Variants in R3HDM1 observed in about 807,000 individuals in gnomAD.
R3HDM1 encodes R3H domain-containing protein 1.
Under a neutral mutation model 141.1 loss-of-function variants are expected in R3HDM1, and 46 were observed. The observed-to-expected ratio is 0.33, with a 90% CI of 0.26 to 0.42. The LOEUF is 0.42. Among genes scored for constraint, R3HDM1 ranks in the 10% least tolerant of loss-of-function variants. R3HDM1 has a pLI of 1.00. For missense variants in R3HDM1, 1,184 were observed against 1,368.3 expected (o/e 0.87, Z 2.12); for synonymous variants, 435 against 472.9 (o/e 0.92, Z 1.04).
rs1459631410 is a variant in R3HDM1, at chr2:135,724,959, AATC to A, written c.*670_*672del. 6.6e-6 allele frequency: 1 copy of A among 152,624 alleles called. No homozygotes were observed. Among genetic ancestry groups the A allele is most frequent in the African/African-American group, 2.4e-5 (1 of 41,444 alleles). 9.5% of individuals were successfully genotyped at this position (152,624 alleles called of 1,614,324 possible). A position where few individuals can be genotyped will look rare whatever the true frequency, so the allele number is the denominator to read the frequency against. On this transcript the variant is annotated 3_prime_UTR_variant, in exon 27 of 27. Transcript: ENST00000683871. Reference sequence around the variant, plus strand: ...CCACTTACATTCAAAGGGGAACAGAAATCATTCTAAGCAGGAAAATACTTCCAC... The same window carrying A: ...CCACTTACATTCAAAGGGGAACAGAAATTCTAAGCAGGAAAATACTTCCAC...
intron 21 of R3HDM1, 32 bp downstream of exon 21, chr2:135,680,356 C>G (rs1559418948): frequency 6.2e-7 from 1 of 1,607,636 alleles, no homozygotes. Context: ...AATCTTCCAG[C>G]TTCTCATTGT....
chr2:135,553,061 G>C (rs1055201416), intron 1 of R3HDM1, among the ~76,000 whole-genome samples: 6 of 152,052 alleles, frequency 3.9e-5, no homozygotes, highest in African/African-American at 9.6e-5. Flanking sequence ...GTAGAGACAG[G>C]GTCTCACTGT....
intron 3 of R3HDM1, among the ~76,000 whole-genome samples, chr2:135,614,635 G>A (rs1046922520): frequency 6.6e-6 from 1 of 152,166 alleles, no homozygotes; most frequent in Non-Finnish European, 1.5e-5. Flanking sequence ...TACATTGACA[G>A]TTAATGACCC....
intron 2 of R3HDM1, among the ~76,000 whole-genome samples, chr2:135,603,322 C>T (rs1485597942): frequency 1.3e-5 from 2 of 152,176 alleles, no homozygotes; most frequent in Non-Finnish European, 2.9e-5. Flanking sequence ...AACATTCTTT[C>T]AGGAAATGAA....
chr2:135,546,295 A>G (rs1033701423), intron 1 of R3HDM1, among the ~76,000 whole-genome samples: 1 of 152,134 alleles, frequency 6.6e-6, no homozygotes, highest in Non-Finnish European at 1.5e-5. Context: ...CCCAGACACA[A>G]GTGAGATGTT....
At chr2:135,646,535 C>T (rs1402723345) in intron 16 of R3HDM1, among the ~76,000 whole-genome samples, 1 of 151,718 alleles carries the variant, frequency 6.6e-6, no homozygotes, top group Non-Finnish European at 1.5e-5. Flanking sequence ...TGAAAACATG[C>T]AGAGTGATTT....
Position 135,675,501 on chromosome 2 carries a change from T to G in R3HDM1, c.2307+15T>G. The G allele has an allele frequency of 6.2e-7, 1 of 1,601,170 alleles. No homozygotes were observed. Among genetic ancestry groups the G allele is most frequent in the South Asian group, 1.1e-5 (1 of 90,046 alleles). ...CAACATATCAGGTATATTGTCTCTT[T>G]TATGTACTTTGGGTAGAGATGATTT... On this transcript the variant is annotated intron_variant, in intron 20 of 26. Transcript: ENST00000683871.
intron 9 of R3HDM1, among the ~76,000 whole-genome samples, chr2:135,632,762 T>C (rs2062850280): frequency 6.6e-6 from 1 of 152,204 alleles, no homozygotes. Flanking sequence ...GGAATTTCAG[T>C]TTGATATGAG....
At position 135,620,383 on chromosome 2, in the gene R3HDM1, T is replaced by G. The variant is rs546278729; in HGVS notation, c.304-1111T>G. 1.4e-5 allele frequency: 12 copies of G among 841,512 alleles called. No individual in the cohort carries two copies. In the Admixed American group the frequency reaches 6.8e-4, roughly 48 times the overall value. 52.1% of individuals were successfully genotyped at this position (841,512 alleles called of 1,614,324 possible). ...GGAAAATGAATCACAATAAGAAAAA[T>G]TACTTACTGGTTGATGAGTGTAAGG... is the stretch of plus-strand genomic sequence containing the variant. On this transcript the variant is annotated intron_variant, in intron 5 of 26. Coordinates refer to ENST00000683871, the MANE Select transcript of R3HDM1 (RefSeq NM_001378107.1).
At chr2:135,622,413 G>A in intron 6 of R3HDM1, 1 of 984,400 alleles carries the variant, frequency 1.0e-6, no homozygotes, top group Non-Finnish European at 1.2e-6. Context: ...ACATGTGAGA[G>A]GTTAATTTTT....
At chr2:135,681,507 G>A (rs945256155) in intron 21 of R3HDM1, among the ~76,000 whole-genome samples, 2 of 152,174 alleles carry the variant, frequency 1.3e-5, no homozygotes, top group African/African-American at 4.8e-5. Context: ...ATTTAAAGTA[G>A]GGTGGTCTAA....
At chr2:135,683,800 A>C (rs1286470853) in intron 21 of R3HDM1, among the ~76,000 whole-genome samples, 3 of 152,154 alleles carry the variant, frequency 2.0e-5, no homozygotes, top group African/African-American at 7.2e-5. Flanking sequence ...TAATGAATAG[A>C]GGCAATTCAG....
At chr2:135,699,063 T>A (rs59318513) in intron 21 of R3HDM1, among the ~76,000 whole-genome samples, 3,576 of 77,810 alleles carry the variant, frequency 0.046, 170 homozygotes, top group African/African-American at 0.097. Context: ...TAAGATAGAT[T>A]GATTAGATAG....
intron 21 of R3HDM1, among the ~76,000 whole-genome samples, chr2:135,704,982 G>T (rs551133362): frequency 1.3e-5 from 2 of 152,028 alleles, no homozygotes; most frequent in South Asian, 4.1e-4. Flanking sequence ...TACTCCCTTG[G>T]CATGAGTCCT....
chr2:135,710,296 A>G, intron 23 of R3HDM1, 65 bp downstream of exon 23: 1 of 1,495,242 alleles, frequency 6.7e-7, no homozygotes, highest in Non-Finnish European at 9.1e-7. Context: ...ATTGACTTAT[A>G]AGGCTTGAAT....
intron 21 of R3HDM1, among the ~76,000 whole-genome samples, chr2:135,685,770 T>C (rs1035611755): frequency 6.6e-6 from 1 of 152,166 alleles, no homozygotes; most frequent in Non-Finnish European, 1.5e-5. Context: ...TGGCATGATA[T>C]GGTTAGAAAA....
intron 1 of R3HDM1, chr2:135,561,409 A>T: frequency 1.1e-6 from 1 of 879,270 alleles, no homozygotes; most frequent in Non-Finnish European, 1.4e-6. Context: ...AAAATAGCAA[A>T]TGACATTTTA....
chr2:135,605,189 G>A, intron 3 of R3HDM1, 173 bp downstream of exon 3: 1 of 522,030 alleles, frequency 1.9e-6, no homozygotes, highest in Non-Finnish European at 3.3e-6. Flanking sequence ...GTCTTAACTT[G>A]GCTTGTATCA....
In R3HDM1 at chr2:135,636,127, A is replaced by G. The variant is rs2063222570; in HGVS notation, c.847A>G (p.Ile283Val). ...GAAAGATGACAGAAGAAGCAAATCT[A>G]TAGAAGAAAGAGAAGAAGAGTACCA... ...RLKDDRRSKS[I>V]EEREEEYQRA... Residue 283 changes from isoleucine (I) to valine (V), a missense_variant, in exon 11 of 27, where the codon ATA becomes GTA. Physicochemically the swap from Ile to Val is conservative, Grantham distance 29. Around this residue, in one of 5 missense-constraint regions of R3HDM1, gnomAD observed 240 missense variants for 312.3 expected, o/e 0.77. Transcript: ENST00000683871. 2 of 1,613,168 alleles carry G rather than the reference A, an allele frequency of 1.2e-6. No homozygotes were observed. Among genetic ancestry groups the G allele is most frequent in the Non-Finnish European group, 1.7e-6 (2 of 1,179,540 alleles).
Sources: gnomAD v4.1 joint callset for allele counts (sites outside exome capture counted in the v4.1 genomes callset) on GRCh38, gnomAD v4.1.1 for gene constraint, gnomAD v4.1.1 regional missense constraint, MANE v1.5 for transcripts, NCBI Gene and HGNC (gene_info 2026-07-23, HGNC 2026-07-21) for gene names.